Variants in NCKAP5 observed in about 807,000 individuals in gnomAD.
NCKAP5 encodes NCK associated protein 5, also known as nck-associated protein 5.
In NCKAP5, 92 loss-of-function variants were observed where a neutral mutation model predicts 167.0. That is an observed-to-expected ratio of 0.55 (90% CI 0.47 to 0.66). The LOEUF is 0.66. Among genes scored for constraint, NCKAP5 ranks in the 30% least tolerant of loss-of-function variants. NCKAP5 has a pLI of 0.00. For missense variants in NCKAP5, 2,378 were observed against 2,315.0 expected (o/e 1.03, Z -0.56); for synonymous variants, 891 against 877.4 (o/e 1.02, Z -0.27).
intron 3 of NCKAP5, among the ~76,000 whole-genome samples, chr2:133,455,102 T>C (rs1404217809): frequency 6.6e-6 from 1 of 152,100 alleles, no homozygotes; most frequent in Non-Finnish European, 1.5e-5. Flanking sequence ...AACATGTCCA[T>C]CCAGCCTGAT....
intron 6 of NCKAP5, among the ~76,000 whole-genome samples, chr2:133,053,116 T>C (rs1210947318): frequency 2.0e-5 from 3 of 152,232 alleles, no homozygotes; most frequent in African/African-American, 7.2e-5. Flanking sequence ...ACCAAGTACC[T>C]GCTGCCCCTC....
At chr2:133,610,687 AAC>A in the NCKAP5 span, among the ~76,000 whole-genome samples, 12 of 151,898 alleles carry the variant, frequency 7.9e-5, no homozygotes, top group Admixed American at 6.6e-4. Flanking sequence ...AAAGTTAATA[AAC>A]ACACACACAC....
chr2:133,269,933 G>T lies in NCKAP5; in HGVS notation c.143+33104C>A, dbSNP rs553128058. 2.0e-5 allele frequency among the ~76,000 whole-genome samples: 3 copies of T among 152,180 alleles called. No homozygotes were observed. In the East Asian group the frequency reaches 5.8e-4, roughly 29 times the overall value. ...AATGAGTGGCTCGAAAGAAAAGAGG[G>T]AGTAAAGAGTAACTCCAAGCATTTG... On this transcript the variant is annotated intron_variant, in intron 4 of 19. Transcript: ENST00000409261.
At chr2:133,264,823 A>T (rs2089104305) in intron 4 of NCKAP5, 1 of 152,230 alleles carries the variant, frequency 6.6e-6, no homozygotes, top group Non-Finnish European at 1.5e-5. Flanking sequence ...TTAGTCCAGG[A>T]TGGCTCAGAG....
chr2:133,156,737 C>A (rs1299020148), intron 5 of NCKAP5, among the ~76,000 whole-genome samples: 5 of 152,178 alleles, frequency 3.3e-5, no homozygotes, highest in African/African-American at 7.2e-5. Flanking sequence ...TGCCTCCTAA[C>A]CTGCTTCCTT....
intron 4 of NCKAP5, among the ~76,000 whole-genome samples, chr2:133,218,080 GATCCCAAAGAGATTTTGTTGTT>G (rs778269794): frequency 1.1e-3 from 172 of 151,992 alleles, no homozygotes; most frequent in Non-Finnish European, 1.9e-3. Flanking sequence ...AAAAACTGAG[GATCCCAAAGAGATTTTGTTGTT>G]ATGGGTTATT....
At chr2:133,276,790 G>A (rs535264346) in intron 4 of NCKAP5, among the ~76,000 whole-genome samples, 1 of 152,034 alleles carries the variant, frequency 6.6e-6, no homozygotes, top group Admixed American at 6.5e-5. Context: ...CAAAAATAGT[G>A]AATAAATATG....
chr2:132,895,346 CAAAAA>C, intron 8 of NCKAP5, among the ~76,000 whole-genome samples: 1 of 71,906 alleles, frequency 1.4e-5, no homozygotes, highest in Admixed American at 1.4e-4. Context: ...GACTCTGTCT[CAAAAA>C]AAAAAAAAAA....
At chr2:133,367,099 T>A (rs1238158749) in intron 3 of NCKAP5, among the ~76,000 whole-genome samples, 1 of 152,182 alleles carries the variant, frequency 6.6e-6, no homozygotes, top group Non-Finnish European at 1.5e-5. Flanking sequence ...TGAGCTCTTG[T>A]TCATCTGACC....
In NCKAP5 at chr2:133,423,692, A is replaced by T. The variant is rs577923268; in HGVS notation, c.69+93766T>A. Among the ~76,000 whole-genome samples the T allele has an allele frequency of 2.0e-5, 3 of 152,322 alleles. No individual in the cohort carries two copies. The South Asian group carries it at 6.2e-4, about 32-fold the overall frequency. On this transcript the variant is annotated intron_variant, in intron 3 of 19. Coordinates refer to ENST00000409261, the MANE Select transcript of NCKAP5 (RefSeq NM_207363.3). Reference sequence around the variant, plus strand: ...GCAGTTTTAGTAAATTTTAGCCCACATGAAGTAAATTTTTCAAATAATATT... The same window carrying T: ...GCAGTTTTAGTAAATTTTAGCCCACTTGAAGTAAATTTTTCAAATAATATT...
At chr2:132,994,780 G>C (rs1164256756) in intron 6 of NCKAP5, among the ~76,000 whole-genome samples, 1 of 152,122 alleles carries the variant, frequency 6.6e-6, no homozygotes, top group African/African-American at 2.4e-5. Context: ...AGGTGATTTT[G>C]TCATTTTGCA....
intron 3 of NCKAP5, among the ~76,000 whole-genome samples, chr2:133,350,996 C>T (rs540874150): frequency 6.6e-6 from 1 of 152,138 alleles, no homozygotes; most frequent in African/African-American, 2.4e-5. Flanking sequence ...ACACCCTGAG[C>T]CACATCTTTG....
chr2:133,314,095 A>T (rs1411052855), intron 3 of NCKAP5, among the ~76,000 whole-genome samples: 1 of 152,096 alleles, frequency 6.6e-6, no homozygotes, highest in African/African-American at 2.4e-5. Context: ...ATCATTCAAA[A>T]TCTGGCCAGG....
chr2:132,836,463 AT>A (rs1401591747), intron 11 of NCKAP5, among the ~76,000 whole-genome samples: 3 of 147,740 alleles, frequency 2.0e-5, no homozygotes, highest in African/African-American at 7.5e-5. Context: ...TGAAAATGTG[AT>A]TTTTTTCCTT....
intron 4 of NCKAP5, among the ~76,000 whole-genome samples, chr2:133,233,565 A>T (rs1346933490): frequency 6.6e-6 from 1 of 152,190 alleles, no homozygotes; most frequent in Non-Finnish European, 1.5e-5. Flanking sequence ...TTTCATATAC[A>T]TTATATGTAT....
At chr2:133,528,135 A>G (rs1483288436) in intron 2 of NCKAP5, among the ~76,000 whole-genome samples, 6 of 152,154 alleles carry the variant, frequency 3.9e-5, no homozygotes, top group African/African-American at 1.4e-4. Context: ...GGATAGCTAG[A>G]AAGTAGAGTT....
At chr2:133,243,793 A>G (rs1190979204) in intron 4 of NCKAP5, among the ~76,000 whole-genome samples, 3 of 152,156 alleles carry the variant, frequency 2.0e-5, no homozygotes, top group African/African-American at 7.2e-5. Flanking sequence ...TGCTCCAAGA[A>G]AAACAACGTT....
chr2:133,137,058 G>C (rs1309311815), intron 5 of NCKAP5, among the ~76,000 whole-genome samples: 1 of 152,170 alleles, frequency 6.6e-6, no homozygotes, highest in Non-Finnish European at 1.5e-5. Flanking sequence ...AACCAACTCT[G>C]TCAAGCCAGT....
chr2:132,878,028 TAAC>T (rs1691419283), intron 9 of NCKAP5, among the ~76,000 whole-genome samples: 1 of 152,200 alleles, frequency 6.6e-6, no homozygotes, highest in Admixed American at 6.5e-5. Flanking sequence ...TTCATTTAAA[TAAC>T]AACTGCAATC....
Sources: allele counts gnomAD v4.1 joint callset (sites outside exome capture counted in the v4.1 genomes callset), GRCh38; gene constraint gnomAD v4.1.1; transcripts MANE v1.5; gene names NCBI Gene and HGNC (gene_info 2026-07-23, HGNC 2026-07-21).